The following LRP1B variants were observed in gnomAD, a reference collection of about 807,000 sequenced individuals.
LRP1B encodes the protein low-density lipoprotein receptor-related protein 1B.
A neutral mutation model predicts 556.6 loss-of-function variants in LRP1B; 217 were observed. That is an observed-to-expected ratio of 0.39 (90% CI 0.35 to 0.44). The LOEUF (loss-of-function observed/expected upper bound fraction) is 0.44. LRP1B is among the 20% of genes least tolerant of loss of function. The probability of loss-of-function intolerance (pLI) is 1.00; values close to 1 mark genes in which losing one functional copy is unlikely to be tolerated. For missense variants in LRP1B, 5,053 were observed against 5,620.8 expected (o/e 0.90, Z 3.23); for synonymous variants, 2,047 against 1,865.8 (o/e 1.10, Z -2.50).
chr2:141,714,474 G>A (rs1347242043), intron 2 of LRP1B, among the ~76,000 whole-genome samples: 3 of 142,494 alleles, frequency 2.1e-5, no homozygotes, highest in South Asian at 2.2e-4. Flanking sequence ...TATATTTTAA[G>A]TATTTTTTTT....
chr2:141,076,844 A>C (rs1055435252), intron 7 of LRP1B, among the ~76,000 whole-genome samples: 1 of 152,200 alleles, frequency 6.6e-6, no homozygotes, highest in African/African-American at 2.4e-5. Context: ...GAATTTATGA[A>C]TACTCAGGGA....
chr2:141,341,987 G>C (rs1040251695), intron 3 of LRP1B, among the ~76,000 whole-genome samples: 6 of 152,012 alleles, frequency 3.9e-5, no homozygotes, highest in South Asian at 2.1e-4. Context: ...GCTCACACCT[G>C]TAATCCCAGC....
chr2:140,857,219 A>G (rs1481828561), intron 27 of LRP1B, among the ~76,000 whole-genome samples: 7 of 152,168 alleles, frequency 4.6e-5, no homozygotes, highest in African/African-American at 1.7e-4. Context: ...ACCTAATAAA[A>G]TCATGCTCAA....
At chr2:140,605,736 G>A (rs766373112) in intron 41 of LRP1B, among the ~76,000 whole-genome samples, 1 of 145,742 alleles carries the variant, frequency 6.9e-6, no homozygotes, top group Non-Finnish European at 1.5e-5. Flanking sequence ...TCTAGTATAC[G>A]GTCTCTCTCA....
intron 32 of LRP1B, among the ~76,000 whole-genome samples, chr2:140,799,139 T>C (rs554292646): frequency 5.6e-4 from 86 of 152,308 alleles, no homozygotes; most frequent in African/African-American, 1.7e-3. Context: ...GCAATTAAAA[T>C]ACATTTTAAA....
intron 2 of LRP1B, among the ~76,000 whole-genome samples, chr2:141,742,320 C>T (rs985157081): frequency 6.7e-6 from 1 of 148,344 alleles, no homozygotes; most frequent in African/African-American, 2.5e-5. Flanking sequence ...GGTGCAATCT[C>T]GACTCACTGA....
chr2:141,439,424 CTATAA>C (rs1382967989), intron 3 of LRP1B, among the ~76,000 whole-genome samples: 15 of 151,544 alleles, frequency 9.9e-5, no homozygotes, highest in Admixed American at 2.0e-4. Context: ...GAATCAATAA[CTATAA>C]TATAATTGAA....
intron 1 of LRP1B, among the ~76,000 whole-genome samples, chr2:141,952,445 A>G (rs1701132877): frequency 6.6e-6 from 1 of 152,184 alleles, no homozygotes; most frequent in African/African-American, 2.4e-5. Flanking sequence ...GAACAGAATT[A>G]CAAATTAATT....
At chr2:140,776,302 C>T in intron 32 of LRP1B, 64 bp from the exon 33 acceptor site, 1 of 1,051,648 alleles carries the variant, frequency 9.5e-7, no homozygotes, top group Non-Finnish European at 1.3e-6. Flanking sequence ...ATAATAAATA[C>T]TTACTAAACT....
intron 6 of LRP1B, among the ~76,000 whole-genome samples, chr2:141,211,312 A>AAAAAC (rs1558935714): frequency 2.5e-4 from 38 of 151,614 alleles, no homozygotes; most frequent in African/African-American, 9.2e-4. Flanking sequence ...TTTAAAAAAA[A>AAAAAC]AAAACAAAAC....
intron 43 of LRP1B, among the ~76,000 whole-genome samples, chr2:140,589,938 A>C (rs1003815051): frequency 6.6e-6 from 1 of 152,178 alleles, no homozygotes; most frequent in Admixed American, 6.6e-5. Context: ...TCTTGACCAC[A>C]TAAGTGTCTA....
At chr2:140,294,568 C>G (rs1044143648) in intron 84 of LRP1B, among the ~76,000 whole-genome samples, 7 of 152,118 alleles carry the variant, frequency 4.6e-5, no homozygotes, top group African/African-American at 1.4e-4. Flanking sequence ...GGTGTTTAAG[C>G]TGAGCAGAGT....
At chr2:140,851,613 T>C in intron 28 of LRP1B, 39 bp downstream of exon 28, 5 of 1,587,836 alleles carry the variant, frequency 3.1e-6, no homozygotes, top group Non-Finnish European at 4.3e-6. Flanking sequence ...GAGAATTCAA[T>C]TTTGTTTTTA....
At chr2:141,687,239 G>C (rs1296488096) in intron 2 of LRP1B, among the ~76,000 whole-genome samples, 1 of 151,856 alleles carries the variant, frequency 6.6e-6, no homozygotes, top group Non-Finnish European at 1.5e-5. Context: ...AGATGCCACA[G>C]TTTGGACAAT....
At chr2:140,408,708 A>G (rs534773688) in intron 66 of LRP1B, among the ~76,000 whole-genome samples, 106 of 152,078 alleles carry the variant, frequency 7.0e-4, no homozygotes, top group African/African-American at 2.5e-3. Context: ...TAATTCAAAA[A>G]CATGGTTGCC....
intron 41 of LRP1B, among the ~76,000 whole-genome samples, chr2:140,613,659 C>T (rs529532307): frequency 4.6e-4 from 69 of 151,572 alleles, no homozygotes; most frequent in South Asian, 3.9e-3. Flanking sequence ...AGACAAAGGA[C>T]TTAATCCACT....
At chr2:141,275,889 A>T (rs1303461538) in intron 3 of LRP1B, among the ~76,000 whole-genome samples, 1 of 151,748 alleles carries the variant, frequency 6.6e-6, no homozygotes, top group Non-Finnish European at 1.5e-5. Context: ...AACAATTTGA[A>T]TTTTAAGCCA....
rs761520189 is a variant in LRP1B, at chr2:140,989,676, C to A, written c.2645-19G>T. ...TGATTGACTGGGAGGGAGGGGGAAG[C>A]AAGATTAATTATTTAAAATTGGATA... On this transcript the variant is annotated intron_variant, in intron 16 of 90. Coordinates refer to ENST00000389484, the MANE Select transcript of LRP1B (RefSeq NM_018557.3). 18 of 1,610,074 alleles carry A rather than the reference C, an allele frequency of 1.1e-5. No individual in the cohort carries two copies. The highest frequency in any genetic ancestry group is 6.7e-5 in the Admixed American group (4 of 59,628).
At chr2:140,973,515 C>T (rs1242551997) in intron 18 of LRP1B, among the ~76,000 whole-genome samples, 3 of 151,950 alleles carry the variant, frequency 2.0e-5, no homozygotes, top group African/African-American at 4.8e-5. Flanking sequence ...CCTAAGAGAA[C>T]TTTTGAAATG....
Sources: allele counts gnomAD v4.1 joint callset (sites outside exome capture counted in the v4.1 genomes callset), GRCh38; gene constraint gnomAD v4.1.1; transcripts MANE v1.5; gene names NCBI Gene and HGNC (gene_info 2026-07-23, HGNC 2026-07-21).